The following RASAL2 variants were observed in gnomAD, a reference collection of about 807,000 sequenced individuals.
RASAL2 encodes the protein RAS protein activator like 2, also known as ras GTPase-activating protein nGAP.
In RASAL2, 58 loss-of-function variants were observed where a neutral mutation model predicts 128.9. That is an observed-to-expected ratio of 0.45 (90% CI 0.36 to 0.56). The LOEUF (loss-of-function observed/expected upper bound fraction) is 0.56. Among genes scored for constraint, RASAL2 ranks in the 20% least tolerant of loss-of-function variants. RASAL2 has a pLI of 0.00. For synonymous variants in RASAL2, 561 were observed against 580.8 expected (o/e 0.97, Z 0.49); for missense variants, 1,360 against 1,601.6 (o/e 0.85, Z 2.57).
intron 1 of RASAL2, among the ~76,000 whole-genome samples, chr1:178,247,337 T>C (rs1026503207): frequency 2.2e-5 from 3 of 137,966 alleles, no homozygotes; most frequent in African/African-American, 9.1e-5. Flanking sequence ...CTTCTAGAAT[T>C]TCCGTTTTTT....
At chr1:178,471,771 G>A (rs1211826142) in intron 17 of RASAL2, among the ~76,000 whole-genome samples, 4 of 152,180 alleles carry the variant, frequency 2.6e-5, no homozygotes, top group Non-Finnish European at 4.4e-5. Context: ...CCCCAGGGCC[G>A]TGGTCTTCAC....
intron 4 of RASAL2, among the ~76,000 whole-genome samples, chr1:178,400,537 A>T (rs147684045): frequency 6.6e-6 from 1 of 152,246 alleles, no homozygotes; most frequent in East Asian, 1.9e-4. Flanking sequence ...TGATCTCCAG[A>T]ATAGGTTGTG....
At chr1:178,432,485 C>T (rs918923531) in intron 5 of RASAL2, among the ~76,000 whole-genome samples, 3 of 152,036 alleles carry the variant, frequency 2.0e-5, no homozygotes, top group Non-Finnish European at 2.9e-5. Flanking sequence ...TGTTAACATG[C>T]CTCAGGTTAT....
intron 9 of RASAL2, among the ~76,000 whole-genome samples, chr1:178,446,522 A>C (rs1205409160): frequency 6.6e-6 from 1 of 152,230 alleles, no homozygotes; most frequent in Non-Finnish European, 1.5e-5. Context: ...GAAGAATAAA[A>C]GTTATTAATT....
intron 1 of RASAL2, among the ~76,000 whole-genome samples, chr1:178,259,052 G>A (rs1038810565): frequency 2.0e-5 from 3 of 151,480 alleles, no homozygotes; most frequent in African/African-American, 7.3e-5. Context: ...TATAGAGACA[G>A]GAAGCAGATT....
At chr1:178,373,630 T>A (rs1469391927) in intron 3 of RASAL2, among the ~76,000 whole-genome samples, 1 of 152,102 alleles carries the variant, frequency 6.6e-6, no homozygotes, top group African/African-American at 2.4e-5. Context: ...CTGGCATACC[T>A]TTATGAATTC....
chr1:178,396,323 C>A (rs562666736), intron 4 of RASAL2, among the ~76,000 whole-genome samples: 2 of 152,032 alleles, frequency 1.3e-5, no homozygotes, highest in South Asian at 2.1e-4. Flanking sequence ...TACCATAAAC[C>A]CTTTTCCTCT....
At chr1:178,379,491 A>G (rs1049778697) in intron 3 of RASAL2, among the ~76,000 whole-genome samples, 6 of 152,222 alleles carry the variant, frequency 3.9e-5, no homozygotes, top group African/African-American at 1.2e-4. Flanking sequence ...ACCACTGATT[A>G]TGGTTTAATT....
At chr1:178,228,883 CAA>C (rs1276273214) in intron 1 of RASAL2, among the ~76,000 whole-genome samples, 2 of 152,074 alleles carry the variant, frequency 1.3e-5, no homozygotes, top group Non-Finnish European at 2.9e-5. Flanking sequence ...AAGATACTCT[CAA>C]AGAGGGAACA....
intron 1 of RASAL2, among the ~76,000 whole-genome samples, chr1:178,207,455 A>T (rs1458988861): frequency 6.6e-6 from 1 of 152,206 alleles, no homozygotes; most frequent in African/African-American, 2.4e-5. Context: ...TAATCTGGTG[A>T]TAATTTAAAA....
At chr1:178,366,814 C>T (rs1019459469) in intron 3 of RASAL2, among the ~76,000 whole-genome samples, 2 of 151,910 alleles carry the variant, frequency 1.3e-5, no homozygotes, top group Non-Finnish European at 2.9e-5. Context: ...AGAAACCAGG[C>T]ATAAAAGACC....
chr1:178,114,818 A>G (rs765035768), intron 1 of RASAL2, among the ~76,000 whole-genome samples: 6 of 152,208 alleles, frequency 3.9e-5, no homozygotes, highest in Non-Finnish European at 5.9e-5. Context: ...CACTGCGCCC[A>G]GCCATTTTTG....
intron 3 of RASAL2, among the ~76,000 whole-genome samples, chr1:178,328,415 C>G (rs1279990387): frequency 6.6e-6 from 1 of 152,092 alleles, no homozygotes; most frequent in East Asian, 1.9e-4. Flanking sequence ...TATGAATATT[C>G]CAATCGTTAT....
chr1:178,285,583 T>A (rs1666991242), intron 2 of RASAL2, among the ~76,000 whole-genome samples: 1 of 152,242 alleles, frequency 6.6e-6, no homozygotes, highest in Admixed American at 6.5e-5. Flanking sequence ...TTAAAATAAC[T>A]GAATAAAGGC....
chr1:178,466,149 G>T, intron 16 of RASAL2, 27 bp downstream of exon 16: 1 of 1,515,892 alleles, frequency 6.6e-7, no homozygotes, highest in Non-Finnish European at 8.8e-7. Context: ...CAGCAGATGT[G>T]GGCTAGTTAG....
At chr1:178,132,803 C>G (rs886594036) in intron 1 of RASAL2, among the ~76,000 whole-genome samples, 4 of 137,616 alleles carry the variant, frequency 2.9e-5, no homozygotes, top group Non-Finnish European at 6.1e-5. Flanking sequence ...GAGTCTTGCT[C>G]TGTCACCCAG....
intron 1 of RASAL2, among the ~76,000 whole-genome samples, chr1:178,115,092 T>G (rs562661596): frequency 6.6e-6 from 1 of 151,854 alleles, no homozygotes; most frequent in Non-Finnish European, 1.5e-5. Flanking sequence ...TTGGTACAGT[T>G]TATCAGATAA....
In RASAL2 at chr1:178,332,973, T is replaced by C. The variant is rs1161070054; in HGVS notation, c.457+32855T>C. 2.0e-5 allele frequency among the ~76,000 whole-genome samples: 3 copies of C among 152,082 alleles called. No individual in the cohort carries two copies. In the East Asian group the frequency reaches 5.8e-4, roughly 29 times the overall value. On this transcript the variant is annotated intron_variant, in intron 3 of 17. Transcript: ENST00000367649. ...TGTGTGGCCTTGAGAAATGTAATAG[T>C]GGCTGTTTGAATCTGCCTTTAGTCA...
chr1:178,310,628 G>A (rs528943565), intron 3 of RASAL2, among the ~76,000 whole-genome samples: 35 of 152,190 alleles, frequency 2.3e-4, no homozygotes, highest in Admixed American at 1.2e-3. Flanking sequence ...GTTGAGGTGC[G>A]AGACCACAAT....
Sources: gnomAD v4.1 joint callset for allele counts (sites outside exome capture counted in the v4.1 genomes callset) on GRCh38, gnomAD v4.1.1 for gene constraint, MANE v1.5 for transcripts, NCBI Gene and HGNC (gene_info 2026-07-23, HGNC 2026-07-21) for gene names.